The following MAPK8IP1 variants were observed in gnomAD, a reference collection of about 807,000 sequenced individuals.
MAPK8IP1 encodes mitogen-activated protein kinase 8 interacting protein 1, also known as C-Jun-amino-terminal kinase-interacting protein 1.
A neutral mutation model predicts 72.6 loss-of-function variants in MAPK8IP1; 17 were observed. That is an observed-to-expected ratio of 0.23 (90% confidence interval 0.16 to 0.35). MAPK8IP1 has a LOEUF of 0.35. Among genes scored for constraint, MAPK8IP1 ranks in the 10% least tolerant of loss-of-function variants. MAPK8IP1 has a pLI of 1.00. For synonymous variants in MAPK8IP1, 401 were observed against 443.4 expected, an observed-to-expected ratio of 0.90 and a Z score of 1.20; for missense variants, 789 against 1,009.7, an observed-to-expected ratio of 0.78 and a Z score of 2.96.
At chr11:45,888,889 G>A (rs138181939) in intron 1 of MAPK8IP1, among the ~76,000 whole-genome samples, 2,765 of 152,048 alleles carry the variant, frequency 0.018, 86 homozygotes, top group African/African-American at 0.062. Context: ...TAGTAGAGAC[G>A]GGGTTTCAAC....
Position 45,902,233 on chromosome 11 carries a change from C to T in MAPK8IP1, c.605-139C>T. 1.0e-6 allele frequency: 1 copy of T among 975,638 alleles called. No homozygotes were observed. Among genetic ancestry groups the T allele is most frequent in the African/African-American group, 1.6e-5 (1 of 62,250 alleles). 60.4% of individuals were successfully genotyped at this position (975,638 alleles called of 1,614,324 possible). ...ATCAGTGGTGGCATGAGTGAGTTGA[C>T]TGGCCCCAGAGCCTGCGAAGGGCCT... On this transcript the variant is annotated intron_variant, in intron 4 of 11. Transcript: ENST00000241014. This position sits in a 1 kb window ranked among gnomAD's most constrained non-coding sequence, Gnocchi z 9.3.
intron 1 of MAPK8IP1, among the ~76,000 whole-genome samples, chr11:45,894,733 C>T (rs2086590988): frequency 6.6e-6 from 1 of 152,212 alleles, no homozygotes; most frequent in African/African-American, 2.4e-5. Flanking sequence ...AACTCGCCAG[C>T]TCTGCCCTCC....
intron 1 of MAPK8IP1, among the ~76,000 whole-genome samples, chr11:45,888,249 C>T (rs901438512): frequency 6.6e-6 from 1 of 152,234 alleles, no homozygotes; most frequent in Non-Finnish European, 1.5e-5. Context: ...TTTGGTATCC[C>T]CATTGCTCAG....
At chr11:45,897,977 G>C in intron 1 of MAPK8IP1, 108 bp from the exon 2 acceptor site, 2 of 713,220 alleles carry the variant, frequency 2.8e-6, no homozygotes. Context: ...CCTGTCCTCT[G>C]GGGGCTGTGT....
intron 1 of MAPK8IP1, chr11:45,896,765 A>T: frequency 1.3e-6 from 2 of 1,504,100 alleles, no homozygotes. Flanking sequence ...AGACAGGCCC[A>T]AGCGGTGGAG....
rs1344823658 is a variant in MAPK8IP1, at chr11:45,902,683, C to T, written c.916C>T (p.Arg306Trp). 2 of 1,611,344 alleles carry T rather than the reference C, an allele frequency of 1.2e-6. No homozygotes were observed. The highest frequency in any genetic ancestry group is 8.5e-7 in the Non-Finnish European group (1 of 1,179,920). The change falls in exon 5 of 12, where the codon CGG (arginine) becomes TGG (tryptophan). Residue 306 changes from arginine to tryptophan, a missense_variant. Physicochemically the swap from Arg to Trp is moderately radical, Grantham distance 101 (BLOSUM62 -3). Around this residue, in one of 4 missense-constraint regions of MAPK8IP1, gnomAD observed 377 missense variants for 411.7 expected, o/e 0.92. Coordinates refer to ENST00000241014, the MANE Select transcript of MAPK8IP1 (RefSeq NM_005456.4). This position sits in a 1 kb window ranked among gnomAD's most constrained non-coding sequence, Gnocchi z 9.3. ...TSAFLPPTES[R>W]MSVSSDPDPA... ...CGCCTTCCTGCCGCCCACTGAGAGCCGGATGTCAGTCAGCTCCGATCCAGA... is the reference window on the plus strand; with the variant it reads ...CGCCTTCCTGCCGCCCACTGAGAGCTGGATGTCAGTCAGCTCCGATCCAGA...
chr11:45,904,608 G>A lies in MAPK8IP1; in HGVS notation c.1776+44G>A, dbSNP rs1262209251. 1 of 1,594,692 alleles carries A rather than the reference G, an allele frequency of 6.3e-7. No homozygotes were observed. Among genetic ancestry groups the A allele is most frequent in the Non-Finnish European group, 8.6e-7 (1 of 1,162,420 alleles). On this transcript the variant is annotated intron_variant, in intron 8 of 11. Transcript: ENST00000241014. This position sits in a 1 kb window ranked among gnomAD's most constrained non-coding sequence, Gnocchi z 6.4. ...TTCTCCTCCCTTGGATGGGTCCCTG[G>A]GGCAGAGGGACGCAGGTGTCTAGAG...
At position 45,902,835 on chromosome 11, in the gene MAPK8IP1, G is replaced by C; in HGVS notation, c.1068G>C (p.Leu356=). ...CAGGCGGAGGGTGGCGGGGGAGCCT[G>C]GGGGAGCCGCCGCCACCTCCACGGG... ...EPPGGGWRGS[L]GEPPPPPRAS... is the part of the protein sequence containing the mutation. The change falls in exon 5 of 12, where the codon CTG becomes CTC. Residue 356 remains leucine, a synonymous_variant. Transcript: ENST00000241014. This position sits in a 1 kb window ranked among gnomAD's most constrained non-coding sequence, Gnocchi z 9.3. 6.3e-7 allele frequency: 1 copy of C among 1,582,312 alleles called. No homozygotes were observed. The highest frequency in any genetic ancestry group is 1.1e-5 in the South Asian group (1 of 88,150).
intron 1 of MAPK8IP1, among the ~76,000 whole-genome samples, chr11:45,895,993 C>T (rs1447171833): frequency 2.0e-5 from 3 of 152,168 alleles, no homozygotes; most frequent in East Asian, 1.9e-4. Flanking sequence ...GCAGGTCAGA[C>T]GTGACCCTAC....
chr11:45,900,083 C>T lies in MAPK8IP1; in HGVS notation c.208-55C>T, dbSNP rs1218245134. 7 of 1,084,796 alleles carry T rather than the reference C, an allele frequency of 6.5e-6. No homozygotes were observed. Among genetic ancestry groups the T allele is most frequent in the East Asian group, 4.1e-5 (1 of 24,192 alleles). The allele number at this position is 1,084,796 out of a possible 1,614,324, so 67.2% of individuals were successfully genotyped here. A position where few individuals can be genotyped will look rare whatever the true frequency, so the allele number is the denominator to read the frequency against. On this transcript the variant is annotated intron_variant, in intron 2 of 11. Coordinates refer to ENST00000241014, the MANE Select transcript of MAPK8IP1 (RefSeq NM_005456.4). The surrounding 1 kb of genome is among the most constrained non-coding windows in gnomAD (Gnocchi z 6.5). ...TCGCCCGGGCGGGGGGCGGTGCAAGCGGCCTCGGCCCCGCCCCGGCCCCGC... is the reference window on the plus strand; with the variant it reads ...TCGCCCGGGCGGGGGGCGGTGCAAGTGGCCTCGGCCCCGCCCCGGCCCCGC...
At chr11:45,896,309 G>A (rs183216072) in intron 1 of MAPK8IP1, among the ~76,000 whole-genome samples, 22 of 152,358 alleles carry the variant, frequency 1.4e-4, no homozygotes, top group African/African-American at 5.3e-4. Flanking sequence ...TGATGAGGTC[G>A]GGGGGCTGAG....
chr11:45,895,885 G>A (rs1390891362), intron 1 of MAPK8IP1, among the ~76,000 whole-genome samples: 1 of 151,986 alleles, frequency 6.6e-6, no homozygotes, highest in Non-Finnish European at 1.5e-5. Context: ...GACGGAGGAG[G>A]GCTGCTCTGG....
intron 1 of MAPK8IP1, among the ~76,000 whole-genome samples, chr11:45,887,539 A>C (rs1412036708): frequency 6.6e-6 from 1 of 152,212 alleles, no homozygotes; most frequent in South Asian, 2.1e-4. Flanking sequence ...CTAAGGCTAC[A>C]CTGGGACCCA....
At position 45,902,367 on chromosome 11, in the gene MAPK8IP1, T is replaced by A. The variant is rs1204220572; in HGVS notation, c.605-5T>A. On this transcript the variant is annotated splice_region_variant and splice_polypyrimidine_tract_variant and intron_variant, in intron 4 of 11. Transcript: ENST00000241014. The surrounding 1 kb of genome is among the most constrained non-coding windows in gnomAD (Gnocchi z 9.3). ...CCCTGCCTTCATGACCTGCCTGCTC[T>A]CCAGGGGAGCAGACACCACCGCATG... The A allele has an allele frequency of 6.4e-7, 1 of 1,557,262 alleles. No individual in the cohort carries two copies. Among genetic ancestry groups the A allele is most frequent in the Admixed American group, 1.9e-5 (1 of 51,634 alleles).
In MAPK8IP1 at chr11:45,903,206, G is replaced by A; in HGVS notation, c.1417+22G>A. The A allele has an allele frequency of 6.3e-7, 1 of 1,595,864 alleles. No homozygotes were observed. The highest frequency in any genetic ancestry group is 1.3e-5 in the African/African-American group (1 of 74,622). ...TCCAGTGAGTCAGCAAGGGGAAGCAGTGGGGTGGGGGGGTCCCTAGCGGGG... is the reference window on the plus strand; with the variant it reads ...TCCAGTGAGTCAGCAAGGGGAAGCAATGGGGTGGGGGGGTCCCTAGCGGGG... On this transcript the variant is annotated intron_variant, in intron 5 of 11. Transcript: ENST00000241014. The surrounding 1 kb of genome is among the most constrained non-coding windows in gnomAD (Gnocchi z 6.4).
Position 45,900,158 on chromosome 11 carries a change from C to T in MAPK8IP1, c.228C>T (p.Leu76=), listed in dbSNP as rs991158815. 2.5e-5 allele frequency: 33 copies of T among 1,304,486 alleles called. No individual in the cohort carries two copies. In the African/African-American group the frequency reaches 5.0e-4, roughly 20 times the overall value. 80.8% of individuals were successfully genotyped at this position (1,304,486 alleles called of 1,614,324 possible). A position where few individuals can be genotyped will look rare whatever the true frequency, so the allele number is the denominator to read the frequency against. Residue 76 remains leucine, a synonymous_variant, in exon 3 of 12, where the codon CTC becomes CTT. Transcript: ENST00000241014. This position sits in a 1 kb window ranked among gnomAD's most constrained non-coding sequence, Gnocchi z 6.5. The part of the protein sequence containing the change: ...LSLRPPRAGL[L]SAGGGGAGSR... The stretch of plus-strand genomic sequence containing the variant: ...TGCAGCCCCCGCGCGCCGGGCTGCT[C>T]TCTGCGGGCGGCGGCGGCGCGGGGA...
At chr11:45,898,345 C>A (rs1346313464) in intron 2 of MAPK8IP1, among the ~76,000 whole-genome samples, 155 bp downstream of exon 2, 1 of 152,150 alleles carries the variant, frequency 6.6e-6, no homozygotes, top group Non-Finnish European at 1.5e-5. Flanking sequence ...TACTGCTTGG[C>A]ACGTCTTGAG....
intron 1 of MAPK8IP1, among the ~76,000 whole-genome samples, chr11:45,888,696 ATACT>A: frequency 6.6e-6 from 1 of 150,446 alleles, no homozygotes; most frequent in Non-Finnish European, 1.5e-5. Flanking sequence ...CTTATTTTAC[ATACT>A]TTTTTTTTTT....
rs542880986 is a variant in MAPK8IP1, at chr11:45,903,959, G to A, written c.1494-30G>A. Reference sequence around the variant, plus strand: ...GCCTGGCTGGACAGGCCTTGGTGCCGAATTTCTCACCTGTCCTTGCTGGGG... The same window carrying A: ...GCCTGGCTGGACAGGCCTTGGTGCCAAATTTCTCACCTGTCCTTGCTGGGG... On this transcript the variant is annotated intron_variant, in intron 6 of 11. Coordinates refer to ENST00000241014, the MANE Select transcript of MAPK8IP1 (RefSeq NM_005456.4). This position sits in a 1 kb window ranked among gnomAD's most constrained non-coding sequence, Gnocchi z 6.4. The A allele has an allele frequency of 9.9e-6, 16 of 1,611,176 alleles. No homozygotes were observed. Among genetic ancestry groups the A allele is most frequent in the Admixed American group, 3.3e-5 (2 of 60,016 alleles).
Sources: allele counts gnomAD v4.1 joint callset (sites outside exome capture counted in the v4.1 genomes callset), GRCh38; gene constraint gnomAD v4.1.1; regional missense constraint gnomAD v4.1.1; non-coding constraint Gnocchi (gnomAD v3.1); transcripts MANE v1.5; gene names NCBI Gene and HGNC (gene_info 2026-07-23, HGNC 2026-07-21).